The following TMEM132B variants were observed in gnomAD, a reference collection of about 807,000 sequenced individuals.
TMEM132B encodes transmembrane protein 132B.
Under a neutral mutation model 90.8 loss-of-function variants are expected in TMEM132B, and 18 were observed. The observed-to-expected ratio is 0.20, with a 90% CI of 0.14 to 0.29. TMEM132B has a LOEUF of 0.29. Ranked by LOEUF, TMEM132B falls within the 10% of genes least tolerant of loss-of-function variation. TMEM132B has a pLI of 1.00. For synonymous variants in TMEM132B, 504 were observed against 523.3 expected, an observed-to-expected ratio of 0.96 and a Z score of 0.50; for missense variants, 1,096 against 1,326.8, an observed-to-expected ratio of 0.83 and a Z score of 2.70.
chr12:125,528,191 C>A (rs536418847), intron 4 of TMEM132B, among the ~76,000 whole-genome samples: 1 of 151,706 alleles, frequency 6.6e-6, no homozygotes, highest in Non-Finnish European at 1.5e-5. Flanking sequence ...CAATGGTGTC[C>A]CTTCTTTAGG....
At chr12:125,399,281 C>T (rs1489602033) in intron 2 of TMEM132B, among the ~76,000 whole-genome samples, 1 of 152,198 alleles carries the variant, frequency 6.6e-6, no homozygotes, top group African/African-American at 2.4e-5. Flanking sequence ...GGGATCGTAG[C>T]AGATCATCCT....
intron 1 of TMEM132B, among the ~76,000 whole-genome samples, chr12:125,249,477 A>G (rs1457628520): frequency 1.3e-5 from 2 of 152,220 alleles, no homozygotes; most frequent in Non-Finnish European, 2.9e-5. Flanking sequence ...AGTAGTGATT[A>G]GTTTGCGGTG....
At chr12:125,597,325 C>T (rs570602684) in intron 5 of TMEM132B, among the ~76,000 whole-genome samples, 1 of 152,212 alleles carries the variant, frequency 6.6e-6, no homozygotes, top group East Asian at 1.9e-4. Context: ...TCAGCTCCTG[C>T]CTTGCCATTT....
chr12:125,201,043 T>G (rs2136056901), intron 1 of TMEM132B, among the ~76,000 whole-genome samples: 1 of 152,116 alleles, frequency 6.6e-6, no homozygotes, highest in South Asian at 2.1e-4. Context: ...TAAAAAGCAC[T>G]ATGAATTTAT....
chr12:125,402,364 A>G (rs1351054613), intron 2 of TMEM132B, among the ~76,000 whole-genome samples: 1 of 152,046 alleles, frequency 6.6e-6, no homozygotes. Context: ...TAATTTTTGT[A>G]TTTTTAGTAG....
At chr12:125,529,149 A>G (rs1883579789) in intron 4 of TMEM132B, among the ~76,000 whole-genome samples, 1 of 152,048 alleles carries the variant, frequency 6.6e-6, no homozygotes, top group Non-Finnish European at 1.5e-5. Context: ...CAGTGGCACA[A>G]TCACAGCTCA....
intron 3 of TMEM132B, among the ~76,000 whole-genome samples, chr12:125,455,633 G>A (rs531471819): frequency 3.3e-5 from 5 of 151,390 alleles, no homozygotes; most frequent in Admixed American, 2.0e-4. Flanking sequence ...ATTTCTACAC[G>A]TCGTTGTCCA....
intron 1 of TMEM132B, among the ~76,000 whole-genome samples, chr12:125,283,386 A>T (rs1368025343): frequency 6.6e-6 from 1 of 152,122 alleles, no homozygotes; most frequent in Non-Finnish European, 1.5e-5. Context: ...TTTTCAACTC[A>T]TGAAAATTAA....
chr12:125,302,791 A>G (rs1236762398), intron 1 of TMEM132B, among the ~76,000 whole-genome samples: 2 of 152,178 alleles, frequency 1.3e-5, no homozygotes, highest in Non-Finnish European at 2.9e-5. Context: ...AATCATCTGA[A>G]ATAGAAACTA....
intron 3 of TMEM132B, among the ~76,000 whole-genome samples, chr12:125,515,767 C>T (rs1356067918): frequency 1.3e-5 from 2 of 151,960 alleles, no homozygotes; most frequent in Non-Finnish European, 2.9e-5. Flanking sequence ...CACATTCTCA[C>T]ACACATTTGC....
At chr12:125,617,344 CTTTTTTTT>C (rs772003323) in intron 5 of TMEM132B, among the ~76,000 whole-genome samples, 1 of 135,220 alleles carries the variant, frequency 7.4e-6, no homozygotes, top group Admixed American at 7.4e-5. Flanking sequence ...TTTCACTGCC[CTTTTTTTT>C]TTTTTTTTTT....
intron 3 of TMEM132B, among the ~76,000 whole-genome samples, chr12:125,506,277 T>G (rs574938379): frequency 8.5e-5 from 13 of 152,342 alleles, no homozygotes; most frequent in Middle Eastern, 3.4e-3. Flanking sequence ...CAAATTATAT[T>G]CTGTGTGATT....
intron 1 of TMEM132B, among the ~76,000 whole-genome samples, chr12:125,274,458 T>A (rs1436540445): frequency 6.6e-6 from 1 of 152,220 alleles, no homozygotes; most frequent in East Asian, 1.9e-4. Flanking sequence ...TGACAAACTG[T>A]TTTCCAAAGT....
At position 125,605,395 on chromosome 12, in the gene TMEM132B, T is replaced by G. The variant is rs141650969; in HGVS notation, c.1437+21401T>G. 7.0e-4 allele frequency among the ~76,000 whole-genome samples: 107 copies of G among 152,266 alleles called. 1 individual carries two copies. The highest frequency in any genetic ancestry group is 2.4e-3 in the African/African-American group (99 of 41,536). ...GTGTTGGTGGCAACTGCAACAAGTC[T>G]CTATATTGTGTCTGCCATGTGCATG... On this transcript the variant is annotated intron_variant, in intron 5 of 8. Transcript: ENST00000682704.
At chr12:125,391,357 C>A (rs1301772649) in intron 2 of TMEM132B, among the ~76,000 whole-genome samples, 1 of 152,128 alleles carries the variant, frequency 6.6e-6, no homozygotes, top group Admixed American at 6.5e-5. Context: ...AGAGACTTGC[C>A]CTTAGATTGG....
At chr12:125,298,907 G>C (rs1875741168) in intron 1 of TMEM132B, among the ~76,000 whole-genome samples, 1 of 151,336 alleles carries the variant, frequency 6.6e-6, no homozygotes, top group Non-Finnish European at 1.5e-5. Flanking sequence ...CTAATTTTTT[G>C]TATTTTTAGT....
chr12:125,485,030 A>G (rs1321461002), intron 3 of TMEM132B, among the ~76,000 whole-genome samples: 1 of 152,220 alleles, frequency 6.6e-6, no homozygotes, highest in African/African-American at 2.4e-5. Context: ...TGGATTTACT[A>G]TGGAAAGTCA....
rs1873366750 is a variant in TMEM132B at position 125,213,462 on chromosome 12, A to G, written c.67+26596A>G. ...TGGGTAATTTTTAAAAGCTCCATAT[A>G]TGGTTCTAATGGGAAGCCAACTGGA... On this transcript the variant is annotated intron_variant, in intron 1 of 8. Coordinates refer to ENST00000682704, the MANE Select transcript of TMEM132B (RefSeq NM_001366854.1). This position sits in a 1 kb window ranked among gnomAD's most constrained non-coding sequence, Gnocchi z 4.2. 1.3e-5 allele frequency among the ~76,000 whole-genome samples: 2 copies of G among 152,182 alleles called. No homozygotes were observed. The highest frequency in any genetic ancestry group is 2.1e-4 in the South Asian group (1 of 4,828).
chr12:125,523,362 G>A (rs141865619), intron 4 of TMEM132B, among the ~76,000 whole-genome samples: 1,637 of 151,932 alleles, frequency 0.011, 25 homozygotes, highest in African/African-American at 0.036. Flanking sequence ...TCCTTGGCTC[G>A]TGGGTCCACG....
Sources: gnomAD v4.1 joint callset for allele counts (sites outside exome capture counted in the v4.1 genomes callset) on GRCh38, gnomAD v4.1.1 for gene constraint, Gnocchi (gnomAD v3.1) non-coding constraint, MANE v1.5 for transcripts, NCBI Gene and HGNC (gene_info 2026-07-23, HGNC 2026-07-21) for gene names.